The following KIFAP3 variants were observed in gnomAD, a reference collection of about 807,000 sequenced individuals.
The protein encoded by KIFAP3 is kinesin-associated protein 3.
KIFAP3 carries 68 observed loss-of-function variants against 106.5 expected under a neutral mutation model. The observed-to-expected ratio is 0.64, with a 90% CI of 0.53 to 0.78. KIFAP3 has a LOEUF of 0.78. Ranked by LOEUF, KIFAP3 falls within the 30% of genes least tolerant of loss-of-function variation. The pLI, the probability that KIFAP3 is intolerant of heterozygous loss-of-function variation, is 0.00. For synonymous variants in KIFAP3, 320 were observed against 311.5 expected (o/e 1.03, Z -0.29); for missense variants, 780 against 941.8 (o/e 0.83, Z 2.25).
At chr1:170,009,785 C>T (rs1046329100) in intron 10 of KIFAP3, among the ~76,000 whole-genome samples, 2 of 152,052 alleles carry the variant, frequency 1.3e-5, no homozygotes, top group African/African-American at 2.4e-5. Flanking sequence ...TAAGGAAGCA[C>T]CCTTGAGACA....
intron 18 of KIFAP3, among the ~76,000 whole-genome samples, chr1:169,956,864 C>G (rs930375992): frequency 1.3e-5 from 2 of 152,066 alleles, no homozygotes; most frequent in Non-Finnish European, 2.9e-5. Flanking sequence ...TCCCAAAGAG[C>G]TGGGAGTATA....
At chr1:170,077,170 A>G (rs1165496431), upstream of KIFAP3, among the ~76,000 whole-genome samples, 2 of 152,156 alleles carry the variant, frequency 1.3e-5, no homozygotes, top group African/African-American at 4.8e-5. Flanking sequence ...TAGCTAAAGG[A>G]TTGTAAATGC....
At chr1:169,987,194 C>T (rs1259548723) in intron 11 of KIFAP3, among the ~76,000 whole-genome samples, 1 of 152,010 alleles carries the variant, frequency 6.6e-6, no homozygotes, top group Non-Finnish European at 1.5e-5. Context: ...TTGCTGACAA[C>T]TAGAAAATAT....
chr1:170,001,103 C>A (rs1166229374), intron 10 of KIFAP3, among the ~76,000 whole-genome samples: 1 of 152,048 alleles, frequency 6.6e-6, no homozygotes, highest in African/African-American at 2.4e-5. Flanking sequence ...TTTTGCCACA[C>A]AGCTTATTTT....
At chr1:169,967,898 C>T (rs1665709087) in intron 17 of KIFAP3, among the ~76,000 whole-genome samples, 1 of 151,758 alleles carries the variant, frequency 6.6e-6, no homozygotes, top group Non-Finnish European at 1.5e-5. Context: ...CTCCCCTATA[C>T]CCCCAGCCCC....
At chr1:170,075,076 C>T (rs772193166), upstream of KIFAP3, among the ~76,000 whole-genome samples, 1 of 152,194 alleles carries the variant, frequency 6.6e-6, no homozygotes, top group Admixed American at 6.5e-5. Context: ...GGCGGCAAGT[C>T]TGTCACTTTG....
chr1:169,935,207 A>C (rs1663723076), intron 19 of KIFAP3, among the ~76,000 whole-genome samples: 1 of 152,072 alleles, frequency 6.6e-6, no homozygotes, highest in South Asian at 2.1e-4. Flanking sequence ...CACCTATATC[A>C]ATATAGCTTT....
At chr1:170,003,651 A>AG (rs1333267582) in intron 10 of KIFAP3, among the ~76,000 whole-genome samples, 14 of 152,236 alleles carry the variant, frequency 9.2e-5, no homozygotes, top group Admixed American at 5.9e-4. Context: ...AGAGGCAGGC[A>AG]GGCAGGCTTC....
chr1:170,019,287 T>A (rs1426910310), intron 9 of KIFAP3, among the ~76,000 whole-genome samples: 1 of 152,082 alleles, frequency 6.6e-6, no homozygotes, highest in Non-Finnish European at 1.5e-5. Context: ...CACAAATCCT[T>A]CCAGAAAAAT....
chr1:170,054,004 A>G (rs1266005230), intron 2 of KIFAP3, among the ~76,000 whole-genome samples: 1 of 152,256 alleles, frequency 6.6e-6, no homozygotes, highest in African/African-American at 2.4e-5. Context: ...GGATCTAATT[A>G]AACTAAAGAG....
At chr1:169,964,780 G>A (rs1665518768) in intron 17 of KIFAP3, among the ~76,000 whole-genome samples, 1 of 152,190 alleles carries the variant, frequency 6.6e-6, no homozygotes, top group South Asian at 2.1e-4. Flanking sequence ...ATAGGCATAT[G>A]ATCAGCTTCA....
chr1:169,997,534 T>C (rs956295848), intron 10 of KIFAP3, among the ~76,000 whole-genome samples: 4 of 152,078 alleles, frequency 2.6e-5, no homozygotes, highest in African/African-American at 9.7e-5. Context: ...TCTGAGCCTA[T>C]GGCCGAGCCA....
intron 11 of KIFAP3, 141 bp from the exon 12 acceptor site, chr1:169,984,831 T>C: frequency 1.9e-6 from 1 of 536,330 alleles, no homozygotes; most frequent in Non-Finnish European, 3.4e-6. Context: ...CACATAAAAC[T>C]GGCAGGCGTT....
intron 10 of KIFAP3, among the ~76,000 whole-genome samples, chr1:170,015,045 A>C (rs2101997564): frequency 6.6e-6 from 1 of 152,324 alleles, no homozygotes; most frequent in South Asian, 2.1e-4. Flanking sequence ...TGGGCTCCAA[A>C]GGAGATAAAA....
intron 8 of KIFAP3, among the ~76,000 whole-genome samples, chr1:170,030,833 A>G (rs1023278850): frequency 6.6e-6 from 1 of 151,798 alleles, no homozygotes; most frequent in African/African-American, 2.4e-5. Flanking sequence ...AAGATGCATG[A>G]GGAAATTTTG....
chr1:170,017,383 C>T (rs1279214213), intron 9 of KIFAP3, among the ~76,000 whole-genome samples: 1 of 149,108 alleles, frequency 6.7e-6, no homozygotes, highest in African/African-American at 2.5e-5. Flanking sequence ...CCTGGAAGAA[C>T]AGAAGACTTC....
intron 17 of KIFAP3, among the ~76,000 whole-genome samples, chr1:169,970,289 G>A (rs1665844465): frequency 6.6e-6 from 1 of 152,000 alleles, no homozygotes; most frequent in African/African-American, 2.4e-5. Context: ...TGCTGATGAG[G>A]CCACAGAGAC....
chr1:169,942,921 C>T (rs374557912), intron 19 of KIFAP3, among the ~76,000 whole-genome samples: 1 of 108,244 alleles, frequency 9.2e-6, no homozygotes, highest in South Asian at 3.7e-4. Flanking sequence ...CCCCCCCCCA[C>T]CCCTTTAAAA....
At chr1:169,946,801 A>T (rs1664460691) in intron 19 of KIFAP3, among the ~76,000 whole-genome samples, 1 of 152,024 alleles carries the variant, frequency 6.6e-6, no homozygotes, top group African/African-American at 2.4e-5. Context: ...GAAGGCTCCT[A>T]AGGTATTCCA....
Sources: gnomAD v4.1 joint callset for allele counts (sites outside exome capture counted in the v4.1 genomes callset) on GRCh38, gnomAD v4.1.1 for gene constraint, MANE v1.5 for transcripts, NCBI Gene and HGNC (gene_info 2026-07-23, HGNC 2026-07-21) for gene names.